The following BAZ2B variants were observed in gnomAD, a reference collection of about 807,000 sequenced individuals.
BAZ2B encodes the protein bromodomain adjacent to zinc finger domain 2B.
Under a neutral mutation model 246.0 loss-of-function variants are expected in BAZ2B, and 91 were observed. That is an observed-to-expected ratio of 0.37 (90% CI 0.31 to 0.44). The LOEUF is 0.44. Ranked by LOEUF, BAZ2B falls within the 20% of genes least tolerant of loss-of-function variation. The probability of loss-of-function intolerance (pLI) is 1.00; values close to 1 mark genes in which losing one functional copy is unlikely to be tolerated. For missense variants in BAZ2B, 2,332 were observed against 2,533.7 expected (o/e 0.92, Z 1.71); for synonymous variants, 855 against 860.0 (o/e 0.99, Z 0.10).
chr2:159,624,404 C>T, the BAZ2B span, among the ~76,000 whole-genome samples: 1 of 152,330 alleles, frequency 6.6e-6, no homozygotes, highest in South Asian at 2.1e-4. Flanking sequence ...TGGGGAGACA[C>T]CTCCCAGTAG....
intron 1 of BAZ2B, among the ~76,000 whole-genome samples, chr2:159,594,665 T>C (rs1690227633): frequency 6.6e-6 from 1 of 152,160 alleles, no homozygotes; most frequent in Non-Finnish European, 1.5e-5. Context: ...GTAATCTTGT[T>C]TTGTTGCCCA....
chr2:159,493,435 T>C (rs2080725243), intron 2 of BAZ2B, among the ~76,000 whole-genome samples: 1 of 152,214 alleles, frequency 6.6e-6, no homozygotes, highest in Middle Eastern at 3.2e-3. Context: ...ACTCGACTAT[T>C]AAAACTGTTA....
chr2:159,513,876 C>G (rs2083175502), intron 2 of BAZ2B, among the ~76,000 whole-genome samples: 1 of 152,122 alleles, frequency 6.6e-6, no homozygotes. Context: ...AACCCACTCA[C>G]TCATTTCCTT....
intron 1 of BAZ2B, among the ~76,000 whole-genome samples, chr2:159,566,095 T>C (rs1284101511): frequency 1.3e-5 from 2 of 152,156 alleles, no homozygotes; most frequent in African/African-American, 4.8e-5. Context: ...CACAGCAACC[T>C]CCGCCTCCCA....
chr2:159,325,041 TATTATATATATATA>T (rs1306657377), intron 35 of BAZ2B, 87 bp from the exon 36 acceptor site: 9,559 of 44,894 alleles, frequency 0.21, 2,149 homozygotes, highest in East Asian at 0.48. Flanking sequence ...ATTATATATA[TATTATATATATATA>T]TATATTATAT....
At chr2:159,589,060 T>G (rs1688696044) in intron 1 of BAZ2B, among the ~76,000 whole-genome samples, 1 of 152,180 alleles carries the variant, frequency 6.6e-6, no homozygotes. Context: ...AGATGATCTT[T>G]TAAAATGTGG....
intron 1 of BAZ2B, among the ~76,000 whole-genome samples, chr2:159,580,696 T>C (rs942668240): frequency 2.0e-5 from 3 of 152,148 alleles, no homozygotes; most frequent in African/African-American, 4.8e-5. Context: ...CAAAACAGCA[T>C]GGCTACAGTA....
At chr2:159,346,781 C>G (rs536476661) in intron 31 of BAZ2B, among the ~76,000 whole-genome samples, 1 of 152,126 alleles carries the variant, frequency 6.6e-6, no homozygotes, top group Non-Finnish European at 1.5e-5. Flanking sequence ...GACCTTTATA[C>G]CCCTCTTTAC....
At position 159,347,572 on chromosome 2, in the gene BAZ2B, C is replaced by G. The variant is rs995998807; in HGVS notation, c.5368G>C (p.Glu1790Gln). The change falls in exon 31 of 37, where the codon GAA (glutamate) becomes CAA (glutamine). Residue 1790 changes from glutamate to glutamine, a missense_variant. Glu to Gln is a conservative substitution (Grantham distance 29). Transcript: ENST00000392783. ...CTCAAATCCATTTCCATTGCTTGTT[C>G]TTCTACTGACCAGTTCTCCACAATA... ...RDIVENWSVEEQAMEMDLSVL... is the reference protein window; with the variant it reads ...RDIVENWSVEQQAMEMDLSVL... 6.8e-6 allele frequency: 11 copies of G among 1,613,274 alleles called. No individual in the cohort carries two copies. Among genetic ancestry groups the G allele is most frequent in the Non-Finnish European group, 9.3e-6 (11 of 1,179,514 alleles).
chr2:159,619,743 A>C (rs1379921715), upstream of BAZ2B, among the ~76,000 whole-genome samples: 1 of 152,066 alleles, frequency 6.6e-6, no homozygotes, highest in Non-Finnish European at 1.5e-5. Context: ...ATTGTGCTTA[A>C]ATTATTTTTA....
chr2:159,703,541 A>T, the BAZ2B span, among the ~76,000 whole-genome samples: 11 of 152,340 alleles, frequency 7.2e-5, no homozygotes, highest in South Asian at 2.3e-3. Flanking sequence ...ATCCTATGCA[A>T]ACAAACAAAA....
intron 20 of BAZ2B, among the ~76,000 whole-genome samples, chr2:159,393,205 G>A (rs1421477005): frequency 2.6e-5 from 4 of 152,110 alleles, no homozygotes; most frequent in Non-Finnish European, 5.9e-5. Context: ...GCCATGGTGA[G>A]GAGTCTGAAT....
chr2:159,506,669 G>A (rs1024366696), intron 2 of BAZ2B, among the ~76,000 whole-genome samples: 3 of 152,120 alleles, frequency 2.0e-5, no homozygotes, highest in South Asian at 2.1e-4. Flanking sequence ...GAAAGCCTGC[G>A]TTTCAGAAAC....
intron 3 of BAZ2B, chr2:159,462,555 T>C: frequency 1.1e-6 from 1 of 885,096 alleles, no homozygotes; most frequent in Non-Finnish European, 1.9e-6. Flanking sequence ...TTTTCTGCAT[T>C]CTCTATGATT....
rs957827976 is a variant in BAZ2B, at chr2:159,374,753, C to T, written c.4006G>A (p.Asp1336Asn). ...ACACTTGCTGCTTGGTCACCTTCAT[C>T]CTATACATAAGAAAATACAGTGTCA... The part of the protein sequence containing the change: ...GKKTDICEDE[D>N]EGDQAASVEE... The change falls in exon 26 of 37, where the codon GAT (aspartate) becomes AAT (asparagine). Residue 1336 changes from aspartate (D) to asparagine (N), a missense_variant and splice_region_variant. Asp to Asn is a conservative substitution (Grantham distance 23). Around this residue, in one of 9 missense-constraint regions of BAZ2B, gnomAD observed 676 missense variants for 668.6 expected, o/e 1.01. Transcript: ENST00000392783. 7.5e-6 allele frequency: 12 copies of T among 1,610,664 alleles called. No homozygotes were observed. The highest frequency in any genetic ancestry group is 1.0e-5 in the Non-Finnish European group (12 of 1,177,642).
At chr2:159,410,572 C>T (rs1313456284) in intron 14 of BAZ2B, among the ~76,000 whole-genome samples, 4 of 152,124 alleles carry the variant, frequency 2.6e-5, no homozygotes, top group Non-Finnish European at 5.9e-5. Context: ...TGAGGCCTCC[C>T]CAGCCATGCG....
intron 2 of BAZ2B, among the ~76,000 whole-genome samples, chr2:159,534,137 T>C (rs181344268): frequency 6.6e-6 from 1 of 152,280 alleles, no homozygotes; most frequent in Admixed American, 6.5e-5. Context: ...ATGGGGGACT[T>C]ATAAAGTGTG....
chr2:159,604,295 T>G (rs1420052065), intron 1 of BAZ2B, among the ~76,000 whole-genome samples: 1 of 152,070 alleles, frequency 6.6e-6, no homozygotes, highest in Non-Finnish European at 1.5e-5. Flanking sequence ...TTTTTAGAGG[T>G]AGGAGTCTTA....
chr2:159,448,157 C>CA, intron 5 of BAZ2B, 85 bp downstream of exon 5: 2 of 1,474,156 alleles, frequency 1.4e-6, no homozygotes, highest in Admixed American at 2.4e-5. Context: ...AAACAAAAAA[C>CA]AAAAAAAGGT....
Sources: gnomAD v4.1 joint callset for allele counts (sites outside exome capture counted in the v4.1 genomes callset) on GRCh38, gnomAD v4.1.1 for gene constraint, gnomAD v4.1.1 regional missense constraint, MANE v1.5 for transcripts, NCBI Gene and HGNC (gene_info 2026-07-23, HGNC 2026-07-21) for gene names.